PKNOX2: variants seen among roughly 807,000 people sequenced by gnomAD.
PKNOX2 encodes the protein PBX/knotted 1 homeobox 2, also known as homeobox protein PKNOX2.
In PKNOX2, 14 loss-of-function variants were observed where a neutral mutation model predicts 53.1. The ratio of observed to expected loss-of-function variants is 0.26; its 90% confidence interval spans 0.17 to 0.41. The LOEUF is 0.41. Among genes scored for constraint, PKNOX2 ranks in the 10% least tolerant of loss-of-function variants. PKNOX2 has a pLI of 1.00. For synonymous variants in PKNOX2, 257 were observed against 242.8 expected (o/e 1.06, Z -0.54); for missense variants, 496 against 602.8 (o/e 0.82, Z 1.85).
At chr11:125,419,883 T>TAA (rs377369369) in intron 10 of PKNOX2, among the ~76,000 whole-genome samples, 10 of 99,486 alleles carry the variant, frequency 1.0e-4, no homozygotes, top group African/African-American at 2.6e-4. Context: ...AAGAAAAAAT[T>TAA]AAAAAAAAAA....
chr11:125,411,501 T>TCTCTCTCTCC (rs1955527934), intron 9 of PKNOX2: 26 of 451,468 alleles, frequency 5.8e-5, no homozygotes, highest in Admixed American at 1.9e-4. Flanking sequence ...TCTCTCTCTC[T>TCTCTCTCTCC]CTCTCTCTCC....
chr11:125,230,427 T>C (rs920542656), intron 1 of PKNOX2, among the ~76,000 whole-genome samples: 3 of 152,134 alleles, frequency 2.0e-5, no homozygotes, highest in Non-Finnish European at 4.4e-5. Context: ...CAGTGAGATA[T>C]GGTGGGAGCT....
chr11:125,373,012 G>A (rs529894265), intron 5 of PKNOX2, among the ~76,000 whole-genome samples: 1 of 152,242 alleles, frequency 6.6e-6, no homozygotes, highest in African/African-American at 2.4e-5. Context: ...ACAGTAGGCA[G>A]TGTTCAGATC....
intron 1 of PKNOX2, among the ~76,000 whole-genome samples, chr11:125,168,973 G>A (rs954904814): frequency 1.3e-5 from 2 of 152,134 alleles, no homozygotes; most frequent in African/African-American, 4.8e-5. Context: ...TTTTGTTCCC[G>A]ATTTATTTAA....
At chr11:125,344,939 C>T (rs1334343479) in intron 3 of PKNOX2, among the ~76,000 whole-genome samples, 1 of 152,132 alleles carries the variant, frequency 6.6e-6, no homozygotes, top group Non-Finnish European at 1.5e-5. Flanking sequence ...TTCCTCTGCA[C>T]CTGTCCCTCC....
At chr11:125,264,560 T>C (rs1226842495) in intron 2 of PKNOX2, among the ~76,000 whole-genome samples, 1 of 151,920 alleles carries the variant, frequency 6.6e-6, no homozygotes, top group Non-Finnish European at 1.5e-5. Flanking sequence ...CTGGGAGGCG[T>C]AGAGCATTCT....
intron 3 of PKNOX2, among the ~76,000 whole-genome samples, chr11:125,334,601 TTC>T (rs368371837): frequency 0.16 from 23,967 of 150,852 alleles, 3,568 homozygotes; most frequent in African/African-American, 0.4. Context: ...TTTTTTTTTT[TTC>T]TTTTCATTTT....
chr11:125,356,035 C>CA (rs966579700), intron 4 of PKNOX2, among the ~76,000 whole-genome samples: 4 of 148,520 alleles, frequency 2.7e-5, no homozygotes, highest in African/African-American at 9.8e-5. Flanking sequence ...CAGCACCCCC[C>CA]CCCCCACAAC....
chr11:125,186,049 GT>G (rs58819944), intron 1 of PKNOX2, among the ~76,000 whole-genome samples: 32 of 149,212 alleles, frequency 2.1e-4, no homozygotes, highest in African/African-American at 2.9e-4. Flanking sequence ...GTTATTCTCT[GT>G]TTTTTTTTTA....
At chr11:125,290,075 A>G (rs1287586814) in intron 2 of PKNOX2, among the ~76,000 whole-genome samples, 1 of 152,210 alleles carries the variant, frequency 6.6e-6, no homozygotes, top group Non-Finnish European at 1.5e-5. Context: ...CCACCTCCTG[A>G]TGAAAAATTA....
intron 10 of PKNOX2, 50 bp from the exon 11 acceptor site, chr11:125,428,962 G>T (rs761349871): frequency 6.5e-7 from 1 of 1,549,664 alleles, no homozygotes; most frequent in African/African-American, 1.4e-5. Context: ...CCTTGGGGGG[G>T]CCAGATCAGC....
rs377369369 is a variant in PKNOX2, at chr11:125,419,883, TA to T, written c.936+8035del. The stretch of plus-strand genomic sequence containing the variant: ...TCATCTGTTTAAAAAAAGAAAAAAT[TA>T]AAAAAAAAAAAAAAAAGGCCGAGTG... On this transcript the variant is annotated intron_variant, in intron 10 of 12. Coordinates refer to ENST00000298282, the MANE Select transcript of PKNOX2 (RefSeq NM_001382323.2). Among the ~76,000 whole-genome samples, 510 of 99,366 alleles carry T rather than the reference TA, an allele frequency of 5.1e-3. 6 individuals carry two copies. Among genetic ancestry groups the T allele is most frequent in the Middle Eastern group, 9.9e-3 (2 of 202 alleles). The allele number at this position is 99,366 out of a possible 152,430, so 65.2% of individuals were successfully genotyped here. A position where few individuals can be genotyped will look rare whatever the true frequency, so the allele number is the denominator to read the frequency against.
intron 1 of PKNOX2, among the ~76,000 whole-genome samples, chr11:125,215,757 A>T (rs994307863): frequency 4.6e-5 from 7 of 152,112 alleles, no homozygotes; most frequent in African/African-American, 9.7e-5. Context: ...GTCTCAAAAT[A>T]AACTAACTAA....
intron 5 of PKNOX2, among the ~76,000 whole-genome samples, chr11:125,379,261 C>T (rs2135328203): frequency 6.6e-6 from 1 of 152,006 alleles, no homozygotes; most frequent in East Asian, 1.9e-4. Flanking sequence ...AGGGTTTCAC[C>T]ATGTTGACCA....
At position 125,346,288 on chromosome 11, in the gene PKNOX2, G is replaced by A. The variant is rs577534484; in HGVS notation, c.-22-4996G>A. On this transcript the variant is annotated intron_variant, in intron 3 of 12. Transcript: ENST00000298282. Reference sequence around the variant, plus strand: ...TCCTTCCCACTCTCCAACTAGATGGGAGGAAGAGAAGTCCGGTGCTGGCTG... The same window carrying A: ...TCCTTCCCACTCTCCAACTAGATGGAAGGAAGAGAAGTCCGGTGCTGGCTG... Among the ~76,000 whole-genome samples the A allele has an allele frequency of 3.3e-5, 5 of 152,276 alleles. No homozygotes were observed. The South Asian group carries it at 1.0e-3, about 32-fold the overall frequency.
At chr11:125,426,995 T>G (rs954128342) in intron 10 of PKNOX2, among the ~76,000 whole-genome samples, 2 of 152,146 alleles carry the variant, frequency 1.3e-5, no homozygotes, top group African/African-American at 4.8e-5. Flanking sequence ...GGCCAGCACG[T>G]GCGAAGGCAT....
chr11:125,181,768 G>A (rs1956168630), intron 1 of PKNOX2, among the ~76,000 whole-genome samples: 2 of 152,182 alleles, frequency 1.3e-5, no homozygotes, highest in Non-Finnish European at 2.9e-5. Context: ...CCTCTAAATG[G>A]TCTCCAAGAT....
rs184948136 is a variant in PKNOX2, at chr11:125,193,840, A to G, written c.-201+29064A>G. Among the ~76,000 whole-genome samples the G allele has an allele frequency of 4.6e-5, 7 of 152,302 alleles. No homozygotes were observed. In the East Asian group the frequency reaches 1.4e-3, roughly 29 times the overall value. Reference sequence around the variant, plus strand: ...CAAGGATTTAAGGATGGAATGGAGCACATTCAAGAACTGCTGCCTTGGGCA... The same window carrying G: ...CAAGGATTTAAGGATGGAATGGAGCGCATTCAAGAACTGCTGCCTTGGGCA... On this transcript the variant is annotated intron_variant, in intron 1 of 12. Coordinates refer to ENST00000298282, the MANE Select transcript of PKNOX2 (RefSeq NM_001382323.2).
intron 1 of PKNOX2, among the ~76,000 whole-genome samples, chr11:125,197,360 G>A (rs1031208092): frequency 1.8e-4 from 27 of 152,158 alleles, no homozygotes; most frequent in Admixed American, 1.8e-3. Flanking sequence ...TGTGCCCCGG[G>A]ACTGCCCACC....
Sources: gnomAD v4.1 joint callset for allele counts (sites outside exome capture counted in the v4.1 genomes callset) on GRCh38, gnomAD v4.1.1 for gene constraint, MANE v1.5 for transcripts, NCBI Gene and HGNC (gene_info 2026-07-23, HGNC 2026-07-21) for gene names.